Variants in SLC25A21 observed in about 807,000 individuals in gnomAD.
SLC25A21 encodes the protein solute carrier family 25 member 21, also known as mitochondrial 2-oxodicarboxylate carrier.
Under a neutral mutation model 43.8 loss-of-function variants are expected in SLC25A21, and 47 were observed. That is an observed-to-expected ratio of 1.07 (90% CI 0.85 to 1.37). SLC25A21 has a LOEUF of 1.37. SLC25A21 is among the 40% of genes most tolerant of loss of function. The probability of loss-of-function intolerance (pLI) is 0.00; values close to 1 mark genes in which losing one functional copy is unlikely to be tolerated. For synonymous variants in SLC25A21, 131 were observed against 121.3 expected, an observed-to-expected ratio of 1.08 and a Z score of -0.52; for missense variants, 352 against 350.2, an observed-to-expected ratio of 1.00 and a Z score of -0.04.
intron 5 of SLC25A21, among the ~76,000 whole-genome samples, chr14:36,727,337 G>T (rs553147821): frequency 1.3e-5 from 2 of 152,324 alleles, no homozygotes; most frequent in Admixed American, 1.3e-4. Flanking sequence ...TCAAAATAAT[G>T]TGTGAAACCA....
chr14:36,773,184 A>G (rs1266883305), intron 3 of SLC25A21, among the ~76,000 whole-genome samples: 1 of 131,540 alleles, frequency 7.6e-6, no homozygotes, highest in African/African-American at 2.5e-5. Flanking sequence ...GATTTCGAGA[A>G]GGAAAAAAAA....
In SLC25A21 at chr14:36,685,061, G is replaced by A. The variant is rs1163559347; in HGVS notation, c.604-136C>T. 6 of 602,364 alleles carry A rather than the reference G, an allele frequency of 1.0e-5. No individual in the cohort carries two copies. In the African/African-American group the frequency reaches 1.1e-4, roughly 11 times the overall value. 37.3% of individuals were successfully genotyped at this position (602,364 alleles called of 1,614,324 possible). Reference sequence around the variant, plus strand: ...CCTGTTATTCCAGCGGAACACATTAGGATTTCCTAGGCTGGAACTTGTTTT... The same window carrying A: ...CCTGTTATTCCAGCGGAACACATTAAGATTTCCTAGGCTGGAACTTGTTTT... On this transcript the variant is annotated intron_variant, in intron 7 of 9. Coordinates refer to ENST00000331299, the MANE Select transcript of SLC25A21 (RefSeq NM_030631.4).
At chr14:36,694,584 C>T (rs1882936767) in intron 7 of SLC25A21, among the ~76,000 whole-genome samples, 1 of 152,182 alleles carries the variant, frequency 6.6e-6, no homozygotes. Context: ...TGTTTCCTGA[C>T]TTTTTAATGA....
chr14:36,737,447 G>A (rs1054512868), intron 3 of SLC25A21, among the ~76,000 whole-genome samples: 6 of 152,176 alleles, frequency 3.9e-5, no homozygotes, highest in African/African-American at 1.4e-4. Flanking sequence ...ATGTGCGATC[G>A]TTCCCCTCCT....
chr14:36,949,774 CAG>C lies in SLC25A21; in HGVS notation c.71-74772_71-74771del, dbSNP rs1411354641. Among the ~76,000 whole-genome samples the C allele has an allele frequency of 3.9e-5, 6 of 152,186 alleles. No homozygotes were observed. In the South Asian group the frequency reaches 8.3e-4, roughly 21 times the overall value. ...TTGAATTGGGACAGTAAATGGAAAA[CAG>C]AGGAAACAGGAGATGCTTTTCTCAA... On this transcript the variant is annotated intron_variant, in intron 1 of 9. Transcript: ENST00000331299.
chr14:36,747,211 A>T (rs917337382), intron 3 of SLC25A21, among the ~76,000 whole-genome samples: 1 of 151,862 alleles, frequency 6.6e-6, no homozygotes, highest in African/African-American at 2.4e-5. Flanking sequence ...TTTAATCACC[A>T]CTCTCTGGCA....
chr14:36,794,883 T>C (rs1328675943), intron 3 of SLC25A21, among the ~76,000 whole-genome samples: 1 of 96,946 alleles, frequency 1.0e-5, no homozygotes, highest in East Asian at 2.9e-4. Context: ...GTAAAAATAT[T>C]AATTAAAATC....
intron 1 of SLC25A21, among the ~76,000 whole-genome samples, chr14:37,038,137 T>C (rs572823827): frequency 2.0e-5 from 3 of 152,300 alleles, no homozygotes; most frequent in African/African-American, 7.2e-5. Context: ...TGAACTGAAG[T>C]CTGAAATTGC....
chr14:36,993,004 T>C (rs976091861), intron 1 of SLC25A21, among the ~76,000 whole-genome samples: 3 of 152,220 alleles, frequency 2.0e-5, no homozygotes, highest in African/African-American at 7.2e-5. Flanking sequence ...AGCAATTATC[T>C]AATTACTCAC....
At chr14:37,092,434 C>T (rs766209683) in intron 1 of SLC25A21, among the ~76,000 whole-genome samples, 7 of 152,220 alleles carry the variant, frequency 4.6e-5, no homozygotes, top group Non-Finnish European at 8.8e-5. Flanking sequence ...CCATCTCCTC[C>T]GTCCTCCTAC....
intron 7 of SLC25A21, among the ~76,000 whole-genome samples, chr14:36,705,621 A>G (rs1316889920): frequency 6.6e-6 from 1 of 152,102 alleles, no homozygotes; most frequent in East Asian, 1.9e-4. Flanking sequence ...TCTCTCACAC[A>G]CACACAATTC....
At chr14:37,075,505 C>T (rs1175786253) in intron 1 of SLC25A21, among the ~76,000 whole-genome samples, 2 of 152,124 alleles carry the variant, frequency 1.3e-5, no homozygotes, top group African/African-American at 4.8e-5. Flanking sequence ...GTCAATGATA[C>T]ACACACCAAA....
chr14:36,857,524 G>A (rs1164059688), intron 2 of SLC25A21, among the ~76,000 whole-genome samples: 1 of 152,198 alleles, frequency 6.6e-6, no homozygotes, highest in Admixed American at 6.5e-5. Context: ...AAATCATGCC[G>A]AGGCTTTTGA....
chr14:36,981,906 A>G (rs1960034620), intron 1 of SLC25A21, among the ~76,000 whole-genome samples: 1 of 152,214 alleles, frequency 6.6e-6, no homozygotes, highest in Non-Finnish European at 1.5e-5. Context: ...CTCAATACCT[A>G]ACAGGCGAGT....
chr14:37,048,384 T>C (rs184391997), intron 1 of SLC25A21, among the ~76,000 whole-genome samples: 2 of 152,174 alleles, frequency 1.3e-5, no homozygotes, highest in Admixed American at 1.3e-4. Flanking sequence ...AACCGGGTTA[T>C]GTATCTCAAT....
chr14:37,098,766 C>CAGAT (rs1566880347), intron 1 of SLC25A21, among the ~76,000 whole-genome samples: 20 of 102,588 alleles, frequency 1.9e-4, no homozygotes, highest in African/African-American at 7.1e-4. Flanking sequence ...GACAGACAGA[C>CAGAT]AGACAGACAG....
chr14:36,932,911 C>T (rs1046865757), intron 1 of SLC25A21, among the ~76,000 whole-genome samples: 1 of 152,020 alleles, frequency 6.6e-6, no homozygotes, highest in African/African-American at 2.4e-5. Context: ...TGGTATTCCT[C>T]ATAGGATATT....
rs574389158 is a variant in SLC25A21, at chr14:36,711,443, T to C, written c.478A>G (p.Lys160Glu). The C allele has an allele frequency of 3.1e-6, 5 of 1,614,116 alleles. No homozygotes were observed. The South Asian group carries it at 5.5e-5, about 18-fold the overall frequency. The change falls in exon 7 of 10, where the codon AAG (lysine) becomes GAG (glutamate). Residue 160 changes from lysine (K) to glutamate (E), a missense_variant. By Grantham distance (56) the Lys-to-Glu change is moderately conservative (BLOSUM62 1). Transcript: ENST00000331299. ...TVGYARQIIK[K>E]EGWGLQGLNK... ...AGGCCCTGGAGTCCCCAGCCTTCCT[T>C]CTTAATGATTTGTCTTGCATAACCC... is the stretch of plus-strand genomic sequence containing the variant.
At chr14:37,152,463 C>T (rs1233691873) in intron 1 of SLC25A21, among the ~76,000 whole-genome samples, 1 of 151,044 alleles carries the variant, frequency 6.6e-6, no homozygotes, top group African/African-American at 2.4e-5. Context: ...CTCACTGCAA[C>T]CTCTGCTCCG....
Sources: gnomAD v4.1 joint callset for allele counts (sites outside exome capture counted in the v4.1 genomes callset) on GRCh38, gnomAD v4.1.1 for gene constraint, MANE v1.5 for transcripts, NCBI Gene and HGNC (gene_info 2026-07-23, HGNC 2026-07-21) for gene names.